Variants in LDLRAD4 observed in about 807,000 individuals in gnomAD.
LDLRAD4 encodes the protein low-density lipoprotein receptor class A domain-containing protein 4.
A neutral mutation model predicts 17.0 loss-of-function variants in LDLRAD4; 5 were observed. The ratio of observed to expected loss-of-function variants is 0.29; its 90% CI spans 0.15 to 0.62. The LOEUF (loss-of-function observed/expected upper bound fraction) is 0.62. LDLRAD4 is among the 20% of genes least tolerant of loss of function. The pLI is 0.84. For synonymous variants in LDLRAD4, 168 were observed against 171.8 expected (o/e 0.98, Z 0.17); for missense variants, 340 against 424.7 (o/e 0.80, Z 1.75).
At chr18:13,572,388 C>T (rs1393137446) in intron 3 of LDLRAD4, among the ~76,000 whole-genome samples, 2 of 152,196 alleles carry the variant, frequency 1.3e-5, no homozygotes, top group South Asian at 2.1e-4. Context: ...GGTCAGTGAT[C>T]GGAGTGCCTG....
At chr18:13,265,390 A>G (rs1374271531) in intron 1 of LDLRAD4, among the ~76,000 whole-genome samples, 1 of 152,054 alleles carries the variant, frequency 6.6e-6, no homozygotes, top group Non-Finnish European at 1.5e-5. Context: ...CATTTCACTC[A>G]GTTCCTCCGG....
intron 3 of LDLRAD4, among the ~76,000 whole-genome samples, chr18:13,597,970 A>T (rs775118874): frequency 5.9e-5 from 9 of 152,164 alleles, no homozygotes; most frequent in Non-Finnish European, 1.3e-4. Flanking sequence ...GATTTCTTTG[A>T]ACATACTTGT....
chr18:13,337,070 G>C (rs2082137748), intron 1 of LDLRAD4, among the ~76,000 whole-genome samples: 1 of 152,170 alleles, frequency 6.6e-6, no homozygotes, highest in South Asian at 2.1e-4. Context: ...TGGCTTTCCA[G>C]GCTTTACAAC....
At chr18:13,503,780 T>TTA (rs1555718503) in intron 3 of LDLRAD4, among the ~76,000 whole-genome samples, 49 of 149,410 alleles carry the variant, frequency 3.3e-4, no homozygotes, top group Non-Finnish European at 6.8e-4. Context: ...GCTCTTGTTT[T>TTA]AAAAAAAAAA....
chr18:13,298,107 C>T (rs1448944835), intron 1 of LDLRAD4, among the ~76,000 whole-genome samples: 1 of 152,220 alleles, frequency 6.6e-6, no homozygotes, highest in East Asian at 1.9e-4. Flanking sequence ...GGCAGCCTCC[C>T]TGCTGCTGTT....
chr18:13,363,772 G>A (rs1047130714), intron 1 of LDLRAD4, among the ~76,000 whole-genome samples: 10 of 152,314 alleles, frequency 6.6e-5, no homozygotes, highest in African/African-American at 2.4e-4. Flanking sequence ...GATAGCTTGA[G>A]TCTTTATAAT....
At chr18:13,611,370 G>A (rs2039540385) in intron 3 of LDLRAD4, 1 of 634,604 alleles carries the variant, frequency 1.6e-6, no homozygotes, top group African/African-American at 2.0e-5. Context: ...GTTATTTGCA[G>A]CGTTACCATG....
At chr18:13,356,388 T>C (rs1283028497) in intron 1 of LDLRAD4, among the ~76,000 whole-genome samples, 1 of 152,258 alleles carries the variant, frequency 6.6e-6, no homozygotes, top group African/African-American at 2.4e-5. Context: ...TTAAAGCTAG[T>C]GTAGCTTATT....
At chr18:13,626,476 A>G (rs1441214259) in intron 4 of LDLRAD4, among the ~76,000 whole-genome samples, 4 of 152,162 alleles carry the variant, frequency 2.6e-5, no homozygotes, top group Admixed American at 1.3e-4. Context: ...TGCAGGCAGA[A>G]GGGTCTGGCC....
In LDLRAD4 at chr18:13,238,557, C is replaced by T. The variant is rs139640356; in HGVS notation, c.-467+19569C>T. 3.6e-3 allele frequency among the ~76,000 whole-genome samples: 552 copies of T among 152,282 alleles called. 5 individuals carry two copies. Among genetic ancestry groups the T allele is most frequent in the African/African-American group, 0.011 (470 of 41,564 alleles). On this transcript the variant is annotated intron_variant, in intron 1 of 5. Transcript: ENST00000399848. ...TTATTTTGGAGAGCAGGTGGGAGAACGTGCAGATGTGGGACTCAGCACCCA... is the reference window on the plus strand; with the variant it reads ...TTATTTTGGAGAGCAGGTGGGAGAATGTGCAGATGTGGGACTCAGCACCCA...
In LDLRAD4 at chr18:13,547,138, G is replaced by A. The variant is rs549148326; in HGVS notation, c.182-73979G>A. On this transcript the variant is annotated intron_variant, in intron 3 of 5. Transcript: ENST00000359446. The stretch of plus-strand genomic sequence containing the variant: ...GTCTTCCTTTGTTAACCTGCTTTCT[G>A]TTACTGACTTTATTTCCATTAAGTC... Among the ~76,000 whole-genome samples, 14 of 152,202 alleles carry A rather than the reference G, an allele frequency of 9.2e-5. No homozygotes were observed. In the South Asian group the frequency reaches 1.7e-3, roughly 18 times the overall value.
intron 1 of LDLRAD4, among the ~76,000 whole-genome samples, chr18:13,224,482 T>TTC (rs1555621237): frequency 2.2e-5 from 3 of 135,548 alleles, no homozygotes; most frequent in Non-Finnish European, 3.2e-5. Context: ...TTCTTTTTTT[T>TTC]TTTTTTTTTT....
intron 1 of LDLRAD4, among the ~76,000 whole-genome samples, chr18:13,299,793 G>C (rs2046477067): frequency 6.6e-6 from 1 of 152,104 alleles, no homozygotes; most frequent in South Asian, 2.1e-4. Flanking sequence ...AGTGAGCTAT[G>C]ATCATGCCAC....
chr18:13,510,032 G>T (rs7240795), intron 3 of LDLRAD4, among the ~76,000 whole-genome samples: 57,378 of 152,118 alleles, frequency 0.38, 11,888 homozygotes, highest in Middle Eastern at 0.56. Context: ...TATGCACTGG[G>T]AAGCCGAAAT....
At chr18:13,613,793 AGGCACCTGGCCTTG>A (rs779585482) in intron 3 of LDLRAD4, 7 of 152,286 alleles carry the variant, frequency 4.6e-5, no homozygotes, top group Non-Finnish European at 7.3e-5. Context: ...GTGCCGTCCA[AGGCACCTGGCCTTG>A]GGCCGGTATC....
chr18:13,651,654 A>G (rs1224263450), exon 6 of LDLRAD4: 2 of 152,258 alleles, frequency 1.3e-5, no homozygotes, highest in Admixed American at 1.3e-4. Context: ...AGAAAAGTTT[A>G]TAACACCATG....
At chr18:13,640,721 G>C (rs1050720168) in intron 4 of LDLRAD4, among the ~76,000 whole-genome samples, 47 of 152,248 alleles carry the variant, frequency 3.1e-4, no homozygotes, top group African/African-American at 1.0e-3. Context: ...GAGACCCCAG[G>C]GCTGCAGGCA....
In LDLRAD4 at chr18:13,611,041, T is replaced by G. The variant is rs142065813; in HGVS notation, c.182-10076T>G. The stretch of plus-strand genomic sequence containing the variant: ...TGGAAACTCTTCTGGGTGGTTCTTC[T>G]GTTGCTTTTCTGCCCCTGCCCCCAA... On this transcript the variant is annotated intron_variant, in intron 3 of 5. Transcript: ENST00000359446. The G allele has an allele frequency of 6.7e-3, 1,033 of 154,434 alleles. 10 individuals are homozygous for G. Among genetic ancestry groups the G allele is most frequent in the African/African-American group, 0.024 (986 of 41,634 alleles). 9.6% of individuals were successfully genotyped at this position (154,434 alleles called of 1,614,324 possible). A position where few individuals can be genotyped will look rare whatever the true frequency, so the allele number is the denominator to read the frequency against.
intron 1 of LDLRAD4, among the ~76,000 whole-genome samples, chr18:13,229,735 C>T (rs1040881018): frequency 1.3e-5 from 2 of 152,202 alleles, no homozygotes; most frequent in Non-Finnish European, 2.9e-5. Flanking sequence ...ACTCTTTCCT[C>T]CTGTGTGCAT....
Sources: allele counts gnomAD v4.1 joint callset (sites outside exome capture counted in the v4.1 genomes callset), GRCh38; gene constraint gnomAD v4.1.1; transcripts MANE v1.5; gene names NCBI Gene and HGNC (gene_info 2026-07-23, HGNC 2026-07-21).